Variants in PRKG1 observed in about 807,000 individuals in gnomAD.
PRKG1 encodes protein kinase cGMP-dependent 1.
A neutral mutation model predicts 88.1 loss-of-function variants in PRKG1; 35 were observed. That is an observed-to-expected ratio of 0.40 (90% confidence interval 0.30 to 0.53). The LOEUF (loss-of-function observed/expected upper bound fraction) is 0.53. Among genes scored for constraint, PRKG1 ranks in the 20% least tolerant of loss-of-function variants. The probability of loss-of-function intolerance (pLI) is 0.59; values close to 1 mark genes in which losing one functional copy is unlikely to be tolerated. For missense variants in PRKG1, 540 were observed against 839.8 expected (o/e 0.64, Z 4.41); for synonymous variants, 303 against 292.5 (o/e 1.04, Z -0.37).
At chr10:51,332,633 G>A (rs1588849638) in intron 2 of PRKG1, among the ~76,000 whole-genome samples, 1 of 152,318 alleles carries the variant, frequency 6.6e-6, no homozygotes, top group Non-Finnish European at 1.5e-5. Context: ...CCCAGTGACT[G>A]TAGGGAAACT....
chr10:51,280,059 G>T (rs897620166), intron 2 of PRKG1, among the ~76,000 whole-genome samples: 1 of 152,080 alleles, frequency 6.6e-6, no homozygotes, highest in African/African-American at 2.4e-5. Flanking sequence ...GCTCTTGTAG[G>T]GCAGGCCTGG....
At chr10:52,082,995 C>T (rs1428594930) in intron 7 of PRKG1, among the ~76,000 whole-genome samples, 1 of 151,934 alleles carries the variant, frequency 6.6e-6, no homozygotes, top group East Asian at 1.9e-4. Flanking sequence ...GAAAAAAATA[C>T]ACGGATTATG....
intron 2 of PRKG1, among the ~76,000 whole-genome samples, chr10:51,350,078 A>C (rs1273588681): frequency 2.0e-5 from 3 of 152,182 alleles, no homozygotes; most frequent in Non-Finnish European, 4.4e-5. Flanking sequence ...CTTCTGTGCT[A>C]ATGACTGTGC....
intron 3 of PRKG1, among the ~76,000 whole-genome samples, chr10:51,709,032 T>C (rs763315409): frequency 1.3e-4 from 20 of 152,242 alleles, no homozygotes; most frequent in Non-Finnish European, 2.8e-4. Flanking sequence ...CCATTTCCAA[T>C]GCACATTCTG....
rs1301724608 is a variant in PRKG1 at position 51,639,466 on chromosome 10, A to G, written c.593-165119A>G. ...AAAAAAAAAAAAAAAAAAAAAAAAA[A>G]AAAAAAAAAAAAGACATGAGATTAA... On this transcript the variant is annotated intron_variant, in intron 3 of 17. Coordinates refer to ENST00000373980, the MANE Select transcript of PRKG1 (RefSeq NM_006258.4). Among the ~76,000 whole-genome samples, 6 of 121,502 alleles carry G rather than the reference A, an allele frequency of 4.9e-5. 1 individual carries two copies. The highest frequency in any genetic ancestry group is 1.7e-4 in the African/African-American group (6 of 35,506). The allele number at this position is 121,502 out of a possible 152,430, so 79.7% of individuals were successfully genotyped here.
At chr10:51,211,115 A>C (rs374961782) in intron 2 of PRKG1, among the ~76,000 whole-genome samples, 35 of 152,260 alleles carry the variant, frequency 2.3e-4, no homozygotes, top group Middle Eastern at 6.8e-3. Context: ...AGCTTATCCA[A>C]CATGATCAAG....
chr10:51,947,512 C>G (rs1224651949), intron 5 of PRKG1, among the ~76,000 whole-genome samples: 1 of 152,218 alleles, frequency 6.6e-6, no homozygotes, highest in Admixed American at 6.5e-5. Context: ...TGAGATGAAC[C>G]CGGTACCTCA....
intron 5 of PRKG1, among the ~76,000 whole-genome samples, chr10:51,975,852 T>G (rs559331145): frequency 6.6e-6 from 1 of 152,156 alleles, no homozygotes; most frequent in African/African-American, 2.4e-5. Context: ...GAAGAAAACC[T>G]ACTGAATGGG....
chr10:51,750,148 C>T (rs1445698809), intron 3 of PRKG1, among the ~76,000 whole-genome samples: 1 of 151,986 alleles, frequency 6.6e-6, no homozygotes, highest in African/African-American at 2.4e-5. Flanking sequence ...ATTGGCCAGG[C>T]TGGTCTCGAA....
chr10:51,704,329 G>A (rs1008438835), intron 3 of PRKG1, among the ~76,000 whole-genome samples: 2 of 152,046 alleles, frequency 1.3e-5, no homozygotes, highest in Non-Finnish European at 2.9e-5. Flanking sequence ...AGCACAGGTG[G>A]ATGTTCATTA....
At chr10:51,755,611 C>A (rs945436979) in intron 3 of PRKG1, among the ~76,000 whole-genome samples, 8 of 152,172 alleles carry the variant, frequency 5.3e-5, no homozygotes, top group African/African-American at 1.7e-4. Flanking sequence ...TGTAAACCAA[C>A]CTTTTCAAAT....
intron 3 of PRKG1, chr10:51,698,492 C>A (rs754061074): frequency 1.1e-5 from 17 of 1,614,110 alleles, no homozygotes; most frequent in South Asian, 7.7e-5. Context: ...ACCCAGATAA[C>A]CTCTGGGCTC....
intron 3 of PRKG1, among the ~76,000 whole-genome samples, chr10:51,799,545 C>G (rs1213773008): frequency 4.6e-5 from 7 of 151,798 alleles, no homozygotes; most frequent in Non-Finnish European, 8.8e-5. Context: ...GGAGCAAGGT[C>G]TGTGAGGACA....
At chr10:51,678,153 G>A (rs992337219) in intron 3 of PRKG1, among the ~76,000 whole-genome samples, 2 of 152,100 alleles carry the variant, frequency 1.3e-5, no homozygotes, top group African/African-American at 4.8e-5. Context: ...GTTTAGCTTA[G>A]AAACAATCAT....
chr10:52,284,812 T>C (rs1179885461), intron 14 of PRKG1, among the ~76,000 whole-genome samples: 1 of 152,032 alleles, frequency 6.6e-6, no homozygotes, highest in Non-Finnish European at 1.5e-5. Context: ...CAATTCTGCC[T>C]TTTAAGGCTT....
intron 3 of PRKG1, among the ~76,000 whole-genome samples, chr10:51,778,927 A>T (rs1838512708): frequency 6.7e-6 from 1 of 148,932 alleles, no homozygotes; most frequent in Admixed American, 6.6e-5. Context: ...TAATCTTTAT[A>T]TAGTTTTTGT....
At chr10:51,863,848 T>A (rs1476901529) in intron 4 of PRKG1, among the ~76,000 whole-genome samples, 1 of 152,238 alleles carries the variant, frequency 6.6e-6, no homozygotes, top group Non-Finnish European at 1.5e-5. Flanking sequence ...TTCTTTCATG[T>A]TTAGCTTCAA....
chr10:51,015,026 A>G (rs145062746), intron 1 of PRKG1, among the ~76,000 whole-genome samples: 48 of 152,344 alleles, frequency 3.2e-4, no homozygotes, highest in African/African-American at 1.1e-3. Flanking sequence ...ATCATTTCCC[A>G]TCATGTATGT....
intron 2 of PRKG1, among the ~76,000 whole-genome samples, chr10:51,373,544 A>G (rs1392691450): frequency 6.6e-6 from 1 of 152,102 alleles, no homozygotes; most frequent in African/African-American, 2.4e-5. Flanking sequence ...TGTTACCTAG[A>G]TATTACGCCT....
Sources: allele counts gnomAD v4.1 joint callset (sites outside exome capture counted in the v4.1 genomes callset), GRCh38; gene constraint gnomAD v4.1.1; transcripts MANE v1.5; gene names NCBI Gene and HGNC (gene_info 2026-07-23, HGNC 2026-07-21).